PTCH1: variants seen among roughly 807,000 people sequenced by gnomAD.
The protein encoded by PTCH1 is protein patched homolog 1.
In PTCH1, 14 loss-of-function variants were observed where a neutral mutation model predicts 144.6. The observed-to-expected ratio is 0.10, with a 90% CI of 0.06 to 0.15. The LOEUF is 0.15. PTCH1 is among the 10% of genes least tolerant of loss of function. PTCH1 has a pLI of 1.00. For missense variants in PTCH1, 1,623 were observed against 1,948.3 expected (o/e 0.83, Z 3.14); for synonymous variants, 833 against 793.6 (o/e 1.05, Z -0.83).
At position 95,508,187 on chromosome 9, in the gene PTCH1, C is replaced by A. The variant is rs147738224; in HGVS notation, c.175G>T (p.Ala59Ser). ...YLHRPSYCDA[A>S]FALEQISKGK... Reference sequence around the variant, plus strand: ...TTGGAAATCTGCTCCAGAGCGAAGGCGGCGTCGCAGTAGCTGGGCCGGTGC... The same window carrying A: ...TTGGAAATCTGCTCCAGAGCGAAGGAGGCGTCGCAGTAGCTGGGCCGGTGC... The change falls in exon 1 of 24, where the codon GCC (alanine) becomes TCC (serine). Residue 59 changes from alanine to serine, a missense_variant. By Grantham distance (99) the Ala-to-Ser change is moderately conservative (BLOSUM62 1). This residue lies in a region of PTCH1 where 245 missense variants were observed against 240.6 expected (regional missense o/e 1.02). Transcript: ENST00000331920. 1 of 1,612,576 alleles carries A rather than the reference C, an allele frequency of 6.2e-7. No homozygotes were observed. The highest frequency in any genetic ancestry group is 1.3e-5 in the African/African-American group (1 of 74,908).
At position 95,447,417 on chromosome 9, in the gene PTCH1, G is replaced by C. The variant is rs201595274; in HGVS notation, c.3839C>G (p.Ser1280Trp). 6 of 1,602,844 alleles carry C rather than the reference G, an allele frequency of 3.7e-6. No individual in the cohort carries two copies. Among genetic ancestry groups the C allele is most frequent in the Non-Finnish European group, 4.3e-6 (5 of 1,175,210 alleles). The change falls in exon 23 of 24, where the codon TCG becomes TGG. Residue 1280 changes from serine to tryptophan, a missense_variant. Coordinates refer to ENST00000331920, the MANE Select transcript of PTCH1 (RefSeq NM_000264.5). ...VHPESRHHPP[S>W]NPRQQPHLDS... ...CAGGTGGGGCTGCTGTCTCGGGTTC[G>C]AGGGTGGGTGATGCCTGGATTCGGG...
chr9:95,509,595 GCGCACACACGCGCGCGCA>G (rs755859044), upstream of PTCH1, among the ~76,000 whole-genome samples: 3 of 152,130 alleles, frequency 2.0e-5, no homozygotes, highest in African/African-American at 7.2e-5. Flanking sequence ...ATGCCTTTGC[GCGCACACACGCGCGCGCA>G]CGCACACACA....
rs1837770957 is a variant in PTCH1, at chr9:95,445,014, G to A, written c.*1379C>T. 6.6e-6 allele frequency: 1 copy of A among 152,150 alleles called. No homozygotes were observed. The highest frequency in any genetic ancestry group is 6.5e-5 in the Admixed American group (1 of 15,268). The allele number at this position is 152,150 out of a possible 1,614,324, so 9.4% of individuals were successfully genotyped here. Reference sequence around the variant, plus strand: ...ACGGGGAGGATGGAGACAATGTTTGGATTTACTTAGGAAGCACGTACCCTA... The same window carrying A: ...ACGGGGAGGATGGAGACAATGTTTGAATTTACTTAGGAAGCACGTACCCTA... On this transcript the variant is annotated 3_prime_UTR_variant, in exon 24 of 24. Transcript: ENST00000331920.
chr9:95,498,760 ATC>A (rs1842950592), intron 2 of PTCH1, among the ~76,000 whole-genome samples: 1 of 152,206 alleles, frequency 6.6e-6, no homozygotes, highest in Non-Finnish European at 1.5e-5. Flanking sequence ...CCCTGATTAT[ATC>A]TGTGTATTCA....
Position 95,454,318 on chromosome 9 carries a change from T to C in PTCH1, c.3307-698A>G, listed in dbSNP as rs188909144. Among the ~76,000 whole-genome samples, 2 of 152,196 alleles carry C rather than the reference T, an allele frequency of 1.3e-5. 1 individual carries two copies. The highest frequency in any genetic ancestry group is 4.8e-5 in the African/African-American group (2 of 41,450). On this transcript the variant is annotated intron_variant, in intron 19 of 23. Coordinates refer to ENST00000331920, the MANE Select transcript of PTCH1 (RefSeq NM_000264.5). ...GAACGTGTGACCCCTGCAGGGAGTGTTGAACCTGGCACAAGTTCTCTCTCT... is the reference window on the plus strand; with the variant it reads ...GAACGTGTGACCCCTGCAGGGAGTGCTGAACCTGGCACAAGTTCTCTCTCT...
Position 95,480,116 on chromosome 9 carries a change from T to C in PTCH1, c.946-26A>G, listed in dbSNP as rs1333638043. On this transcript the variant is annotated intron_variant, in intron 6 of 23. Transcript: ENST00000331920. The stretch of plus-strand genomic sequence containing the variant: ...CTAAAATAAAAAGACAGCCACATAA[T>C]TATGGGAATTAGTAGGCAGGTCACA... The C allele has an allele frequency of 3.7e-6, 6 of 1,613,520 alleles. No individual in the cohort carries two copies. In the African/African-American group the frequency reaches 8.0e-5, roughly 22 times the overall value.
chr9:95,459,404 C>G (rs1011787429), intron 17 of PTCH1, among the ~76,000 whole-genome samples, 196 bp downstream of exon 17: 5 of 152,314 alleles, frequency 3.3e-5, no homozygotes, highest in Middle Eastern at 3.4e-3. Flanking sequence ...ACTGATTTCC[C>G]AATGTGATAG....
At chr9:95,453,443 T>C in intron 20 of PTCH1, 35 bp downstream of exon 20, 3 of 1,613,174 alleles carry the variant, frequency 1.9e-6, no homozygotes, top group Non-Finnish European at 2.5e-6. Flanking sequence ...TCACAATGAT[T>C]TCTAAAACAT....
chr9:95,515,533 C>G (rs892636676), intron 1 of PTCH1, among the ~76,000 whole-genome samples: 9 of 152,300 alleles, frequency 5.9e-5, no homozygotes, highest in African/African-American at 2.2e-4. Flanking sequence ...TAAACATGAA[C>G]GTACTAAATA....
chr9:95,453,366 C>T, intron 20 of PTCH1, 112 bp downstream of exon 20: 1 of 1,516,812 alleles, frequency 6.6e-7, no homozygotes, highest in Non-Finnish European at 9.0e-7. Flanking sequence ...CCTTGACCTT[C>T]TGATCCACCC....
intron 8 of PTCH1, 126 bp from the exon 9 acceptor site, chr9:95,478,312 T>C: frequency 7.1e-7 from 1 of 1,416,398 alleles, no homozygotes; most frequent in Middle Eastern, 2.4e-4. Flanking sequence ...AAAAAAGTTC[T>C]ACGTGATTCC....
At chr9:95,456,562 T>G (rs1181868023) in intron 18 of PTCH1, 149 bp from the exon 19 acceptor site, 6 of 1,131,972 alleles carry the variant, frequency 5.3e-6, no homozygotes, top group African/African-American at 1.5e-5. Context: ...CTGCCTTTAC[T>G]GCCTAATTCA....
intron 1 of PTCH1, among the ~76,000 whole-genome samples, chr9:95,515,912 G>A (rs1191080622): frequency 6.6e-6 from 1 of 152,082 alleles, no homozygotes; most frequent in African/African-American, 2.4e-5. Flanking sequence ...CGGGTCTGCG[G>A]GGCGCGAGCG....
At chr9:95,464,535 C>T (rs1002850607) in intron 15 of PTCH1, among the ~76,000 whole-genome samples, 3 of 152,078 alleles carry the variant, frequency 2.0e-5, no homozygotes, top group Admixed American at 6.5e-5. Flanking sequence ...AAATGTTAAT[C>T]AAAATTTTGT....
At chr9:95,511,429 C>G (rs538379918), upstream of PTCH1, among the ~76,000 whole-genome samples, 15 of 152,336 alleles carry the variant, frequency 9.8e-5, no homozygotes, top group East Asian at 2.9e-3. Flanking sequence ...TATGCGGTGC[C>G]GGGGTCAGGG....
chr9:95,490,576 G>C (rs1208773404), intron 2 of PTCH1, among the ~76,000 whole-genome samples: 1 of 145,556 alleles, frequency 6.9e-6, no homozygotes. Context: ...ATAGATATGA[G>C]AGCTACTTGG....
chr9:95,449,197 T>C lies in PTCH1; in HGVS notation c.3676A>G (p.Ser1226Gly), dbSNP rs890755179. Residue 1226 changes from serine (S) to glycine (G), a missense_variant, in exon 22 of 24, where the codon AGT (serine) becomes GGT (glycine). Ser to Gly is a moderately conservative substitution (Grantham distance 56). Coordinates refer to ENST00000331920, the MANE Select transcript of PTCH1 (RefSeq NM_000264.5). This position sits in a 1 kb window ranked among gnomAD's most constrained non-coding sequence, Gnocchi z 5.3. ...SGSDSSDSEYSSQTTVSGLSE... is the reference protein window; with the variant it reads ...SGSDSSDSEYGSQTTVSGLSE... Reference sequence around the variant, plus strand: ...AGGCCTGACACTGTCGTCTGGGAACTATACTCCGAGTCGGAGGAATCAGAC... The same window carrying C: ...AGGCCTGACACTGTCGTCTGGGAACCATACTCCGAGTCGGAGGAATCAGAC... 7 of 1,609,606 alleles carry C rather than the reference T, an allele frequency of 4.3e-6. 1 individual carries two copies. The African/African-American group carries it at 9.3e-5, about 21-fold the overall frequency.
At chr9:95,466,936 C>T (rs1840051607) in intron 15 of PTCH1, among the ~76,000 whole-genome samples, 180 bp downstream of exon 15, 1 of 152,178 alleles carries the variant, frequency 6.6e-6, no homozygotes, top group Non-Finnish European at 1.5e-5. Flanking sequence ...TAGGTAAAAG[C>T]CAGATCTGGG....
chr9:95,507,094 C>T, intron 1 of PTCH1: 1 of 985,814 alleles, frequency 1.0e-6, no homozygotes, highest in Non-Finnish European at 1.2e-6. Flanking sequence ...CAACTGGACC[C>T]CCGCCGAGAA....
Sources: gnomAD v4.1 joint callset for allele counts (sites outside exome capture counted in the v4.1 genomes callset) on GRCh38, gnomAD v4.1.1 for gene constraint, gnomAD v4.1.1 regional missense constraint, Gnocchi (gnomAD v3.1) non-coding constraint, MANE v1.5 for transcripts, NCBI Gene and HGNC (gene_info 2026-07-23, HGNC 2026-07-21) for gene names.